The following WNK2 variants were observed in gnomAD, a reference collection of about 807,000 sequenced individuals.
WNK2 encodes serine/threonine-protein kinase WNK2.
Under a neutral mutation model 192.1 loss-of-function variants are expected in WNK2, and 67 were observed. The observed-to-expected ratio is 0.35, with a 90% CI of 0.29 to 0.43. The LOEUF (loss-of-function observed/expected upper bound fraction) is 0.43. WNK2 is among the 20% of genes least tolerant of loss of function. WNK2 has a pLI of 1.00. For synonymous variants in WNK2, 1,439 were observed against 1,393.9 expected (o/e 1.03, Z -0.72); for missense variants, 2,698 against 3,089.7 (o/e 0.87, Z 3.01).
At chr9:93,258,349 G>A (rs560547671) in intron 11 of WNK2, among the ~76,000 whole-genome samples, 1 of 152,314 alleles carries the variant, frequency 6.6e-6, no homozygotes, top group South Asian at 2.1e-4. Flanking sequence ...GGATAGGGGT[G>A]TCCCCTGAGC....
chr9:93,255,995 G>A (rs1351377946), intron 9 of WNK2, among the ~76,000 whole-genome samples: 1 of 152,124 alleles, frequency 6.6e-6, no homozygotes, highest in African/African-American at 2.4e-5. Context: ...CCAGTTTAAT[G>A]TCCTCGGGAG....
At chr9:93,264,151 G>C in intron 16 of WNK2, 118 bp downstream of exon 16, 1 of 746,884 alleles carries the variant, frequency 1.3e-6, no homozygotes, top group African/African-American at 1.7e-5. Flanking sequence ...GGTTGGCCCA[G>C]GGGCTTTTCG....
intron 28 of WNK2, among the ~76,000 whole-genome samples, chr9:93,313,769 T>A (rs181317860): frequency 6.6e-6 from 1 of 152,356 alleles, no homozygotes; most frequent in Non-Finnish European, 1.5e-5. Context: ...GTTCATCATA[T>A]ATCTTTTGTC....
intron 21 of WNK2, among the ~76,000 whole-genome samples, chr9:93,290,371 T>C (rs1849151642): frequency 6.6e-6 from 1 of 152,156 alleles, no homozygotes; most frequent in South Asian, 2.1e-4. Context: ...TCATCAGTTA[T>C]TGTTAGTGTA....
At chr9:93,200,495 G>A (rs114950051) in intron 2 of WNK2, among the ~76,000 whole-genome samples, 2,127 of 152,362 alleles carry the variant, frequency 0.014, 50 homozygotes, top group African/African-American at 0.049. Context: ...GTCCCCTTCA[G>A]CCTCTCGGCA....
At position 93,308,322 on chromosome 9, in the gene WNK2, C is replaced by A. The variant is rs2134266274; in HGVS notation, c.6260-6C>A. 6.4e-7 allele frequency: 1 copy of A among 1,552,160 alleles called. No individual in the cohort carries two copies. The highest frequency in any genetic ancestry group is 1.4e-5 in the African/African-American group (1 of 73,248). On this transcript the variant is annotated splice_polypyrimidine_tract_variant and splice_region_variant and intron_variant, in intron 27 of 29. Coordinates refer to ENST00000427277, the MANE Select transcript of WNK2 (RefSeq NM_006648.4). ...CACCAATCCTGGCCTGTGTGTGACT[C>A]CCCAGGGTCCTCCACCAGCAGCCTG...
At chr9:93,302,423 G>C (rs1006629508) in intron 26 of WNK2, among the ~76,000 whole-genome samples, 15 of 152,148 alleles carry the variant, frequency 9.9e-5, no homozygotes, top group African/African-American at 3.1e-4. Context: ...TGCGGCTAGT[G>C]GGGGGCAGCC....
chr9:93,228,366 A>G (rs968755554), intron 2 of WNK2, among the ~76,000 whole-genome samples: 8 of 152,154 alleles, frequency 5.3e-5, no homozygotes, highest in African/African-American at 1.9e-4. Context: ...CCTTTCCGGA[A>G]GGATCCAGGG....
chr9:93,208,059 T>G (rs372087991), intron 2 of WNK2, among the ~76,000 whole-genome samples: 1 of 152,166 alleles, frequency 6.6e-6, no homozygotes, highest in East Asian at 1.9e-4. Flanking sequence ...GCCTGGCTTT[T>G]CTTGCTATTA....
At chr9:93,263,312 T>A in intron 14 of WNK2, 3 of 557,092 alleles carry the variant, frequency 5.4e-6, no homozygotes, top group Non-Finnish European at 9.7e-6. Flanking sequence ...GTCAGGAGAC[T>A]GAGAGGATCA....
At position 93,229,645 on chromosome 9, in the gene WNK2, C is replaced by T. The variant is rs1488772933; in HGVS notation, c.682-51C>T. 7.0e-6 allele frequency: 11 copies of T among 1,579,934 alleles called. 1 individual carries two copies. The South Asian group carries it at 1.0e-4, about 15-fold the overall frequency. On this transcript the variant is annotated intron_variant, in intron 2 of 29. Coordinates refer to ENST00000427277, the MANE Select transcript of WNK2 (RefSeq NM_006648.4). This position sits in a 1 kb window ranked among gnomAD's most constrained non-coding sequence, Gnocchi z 4.9. ...CTGCTGGGATGTGACGCCACCGTGT[C>T]CCCTTCTGTGTCCCATCTCTTGCCC...
At chr9:93,208,410 G>A (rs1833780075) in intron 2 of WNK2, among the ~76,000 whole-genome samples, 1 of 152,228 alleles carries the variant, frequency 6.6e-6, no homozygotes, top group Non-Finnish European at 1.5e-5. Context: ...CCTGCCATTT[G>A]GCTGGTTTCT....
At chr9:93,235,104 T>A in intron 5 of WNK2, 139 bp downstream of exon 5, 1 of 1,062,648 alleles carries the variant, frequency 9.4e-7, no homozygotes, top group Non-Finnish European at 1.3e-6. Flanking sequence ...AGGGGGAAAC[T>A]GAGGAGATTG....
chr9:93,236,358 G>A (rs748286504), intron 5 of WNK2, among the ~76,000 whole-genome samples: 19 of 152,122 alleles, frequency 1.2e-4, no homozygotes, highest in Non-Finnish European at 2.6e-4. Flanking sequence ...CCCAGGCTGG[G>A]GGCTCCAGCA....
rs184481862 is a variant in WNK2, at chr9:93,207,346, G to T, written c.681+21736G>T. ...GTTTGACCTGCCCCAGATCTCTGGT[G>T]GGGGGGCCTTGTCCACCATTCCCCT... On this transcript the variant is annotated intron_variant, in intron 2 of 29. Transcript: ENST00000427277. Among the ~76,000 whole-genome samples the T allele has an allele frequency of 5.4e-3, 823 of 152,060 alleles. 7 individuals are homozygous for T. Among genetic ancestry groups the T allele is most frequent in the African/African-American group, 0.018 (762 of 41,492 alleles).
Position 93,258,983 on chromosome 9 carries a change from GCCTCCCTCCGGC to G in WNK2, c.2442_2453del (p.Pro815_Pro818del). Reference sequence around the variant, plus strand: ...ATCACGCCCCTGGCGGGAATCGACGGCCTCCCTCCGGCCCTCCCAGACCTGCCGACCGCGACT... The same window carrying G: ...ATCACGCCCCTGGCGGGAATCGACGGCCTCCCAGACCTGCCGACCGCGACT... On this transcript the variant is annotated inframe_deletion, in exon 12 of 30. Coordinates refer to ENST00000427277, the MANE Select transcript of WNK2 (RefSeq NM_006648.4). The G allele has an allele frequency of 6.2e-7, 1 of 1,612,786 alleles. No individual in the cohort carries two copies. Among genetic ancestry groups the G allele is most frequent in the Non-Finnish European group, 8.5e-7 (1 of 1,179,756 alleles).
intron 12 of WNK2, among the ~76,000 whole-genome samples, chr9:93,261,082 T>C (rs1408551411): frequency 6.6e-6 from 1 of 152,110 alleles, no homozygotes; most frequent in East Asian, 1.9e-4. Flanking sequence ...TGGGGTGTCT[T>C]GTCTGTCCGG....
At chr9:93,285,148 A>G (rs758132402) in intron 19 of WNK2, among the ~76,000 whole-genome samples, 6 of 152,268 alleles carry the variant, frequency 3.9e-5, no homozygotes, top group Non-Finnish European at 7.3e-5. Flanking sequence ...TACTGGGCTA[A>G]ATAGCAGTTA....
At position 93,257,029 on chromosome 9, in the gene WNK2, C is replaced by A. The variant is rs41278262; in HGVS notation, c.2272C>A (p.His758Asn). The A allele has an allele frequency of 9.0e-3, 14,489 of 1,604,424 alleles. 92 individuals carry two copies. Among genetic ancestry groups the A allele is most frequent in the Non-Finnish European group, 0.011 (13,180 of 1,177,834 alleles). The change falls in exon 11 of 30, where the codon CAC becomes AAC. Residue 758 changes from histidine to asparagine, a missense_variant. Physicochemically the swap from His to Asn is moderately conservative, Grantham distance 68. This residue lies in a region of WNK2 where 893 missense variants were observed against 909.0 expected (regional missense o/e 0.98). Coordinates refer to ENST00000427277, the MANE Select transcript of WNK2 (RefSeq NM_006648.4). This position sits in a 1 kb window ranked among gnomAD's most constrained non-coding sequence, Gnocchi z 4.7. ...PVVPLQPVPPHLPPYLAPASQ... is the reference protein window; with the variant it reads ...PVVPLQPVPPNLPPYLAPASQ... ...GGTCCCCCTCCAGCCGGTTCCCCCC[C>A]ACCTGCCACCGTACCTGGCTCCAGC...
Sources: allele counts gnomAD v4.1 joint callset (sites outside exome capture counted in the v4.1 genomes callset), GRCh38; gene constraint gnomAD v4.1.1; regional missense constraint gnomAD v4.1.1; non-coding constraint Gnocchi (gnomAD v3.1); transcripts MANE v1.5; gene names NCBI Gene and HGNC (gene_info 2026-07-23, HGNC 2026-07-21).